LMBR1: variants seen among roughly 807,000 people sequenced by gnomAD.
LMBR1 encodes limb region 1 protein homolog.
A neutral mutation model predicts 73.9 loss-of-function variants in LMBR1; 52 were observed. That is an observed-to-expected ratio of 0.70 (90% CI 0.56 to 0.89). LMBR1 has a LOEUF of 0.89. LMBR1 is among the 40% of genes least tolerant of loss of function. LMBR1 has a pLI of 0.00. For synonymous variants in LMBR1, 215 were observed against 209.4 expected (o/e 1.03, Z -0.23); for missense variants, 539 against 579.8 (o/e 0.93, Z 0.72).
chr7:156,803,698 G>A (rs1460990383), intron 4 of LMBR1, among the ~76,000 whole-genome samples: 6 of 151,982 alleles, frequency 3.9e-5, no homozygotes, highest in Non-Finnish European at 7.4e-5. Context: ...GCACACGTAT[G>A]TTTATTGTGG....
At chr7:156,737,440 T>C (rs1326246193) in intron 9 of LMBR1, among the ~76,000 whole-genome samples, 2 of 152,164 alleles carry the variant, frequency 1.3e-5, no homozygotes, top group Non-Finnish European at 2.9e-5. Context: ...GGGCACTAGA[T>C]GATCCCTTTC....
intron 9 of LMBR1, among the ~76,000 whole-genome samples, chr7:156,746,819 C>T (rs1472323227): frequency 6.6e-6 from 1 of 152,106 alleles, no homozygotes; most frequent in Non-Finnish European, 1.5e-5. Context: ...CAAACAAATA[C>T]TGAGGCATTA....
Position 156,825,963 on chromosome 7 carries a change from A to G in LMBR1, c.319+642T>C, listed in dbSNP as rs553737522. 7.9e-5 allele frequency among the ~76,000 whole-genome samples: 12 copies of G among 152,274 alleles called. No individual in the cohort carries two copies. In the East Asian group the frequency reaches 2.1e-3, roughly 27 times the overall value. On this transcript the variant is annotated intron_variant, in intron 4 of 16. Transcript: ENST00000353442. Reference sequence around the variant, plus strand: ...AAGAAACTACTAGCAAATAAATAAAATAGAAACTATAGCTGCTGTTTTTTA... The same window carrying G: ...AAGAAACTACTAGCAAATAAATAAAGTAGAAACTATAGCTGCTGTTTTTTA...
chr7:156,762,165 G>A lies in LMBR1; in HGVS notation c.653C>T (p.Thr218Ile). The A allele has an allele frequency of 6.2e-7, 1 of 1,611,108 alleles. No homozygotes were observed. ...CTPVGLSRMFTVMGQLLVKPT... is the reference protein window; with the variant it reads ...CTPVGLSRMFIVMGQLLVKPT... ...CTTCACTAGCAACTGACCCATCACT[G>A]TGAACATACGAGAAAGGCCAACTGG... The change falls in exon 8 of 17, where the codon ACA becomes ATA. Residue 218 changes from threonine to isoleucine, a missense_variant. Physicochemically the swap from Thr to Ile is moderately conservative, Grantham distance 89. Coordinates refer to ENST00000353442, the MANE Select transcript of LMBR1 (RefSeq NM_022458.4).
intron 1 of LMBR1, among the ~76,000 whole-genome samples, chr7:156,861,726 C>T (rs1248521583): frequency 6.6e-6 from 1 of 152,186 alleles, no homozygotes; most frequent in Non-Finnish European, 1.5e-5. Context: ...TACCCTAAAT[C>T]ATCTCTCTCA....
intron 4 of LMBR1, among the ~76,000 whole-genome samples, chr7:156,806,946 C>T (rs1832243235): frequency 6.6e-6 from 1 of 152,130 alleles, no homozygotes; most frequent in Non-Finnish European, 1.5e-5. Flanking sequence ...CATCCCATTT[C>T]AGGCCTACTT....
At chr7:156,829,500 G>A (rs1836290160) in intron 3 of LMBR1, among the ~76,000 whole-genome samples, 1 of 152,176 alleles carries the variant, frequency 6.6e-6, no homozygotes, top group Non-Finnish European at 1.5e-5. Flanking sequence ...TGCACCATGA[G>A]TAAACGCTTC....
chr7:156,883,565 T>C (rs146694380), intron 1 of LMBR1, among the ~76,000 whole-genome samples: 61 of 152,322 alleles, frequency 4.0e-4, no homozygotes, highest in African/African-American at 1.4e-3. Flanking sequence ...GAATCTCCTA[T>C]GGCTGCTGTA....
At chr7:156,768,839 G>A (rs1050444586) in intron 5 of LMBR1, among the ~76,000 whole-genome samples, 1 of 152,136 alleles carries the variant, frequency 6.6e-6, no homozygotes, top group Non-Finnish European at 1.5e-5. Context: ...CCCACAGGTT[G>A]GGTAATCCAT....
chr7:156,796,969 A>C (rs1463955697), intron 4 of LMBR1, among the ~76,000 whole-genome samples: 5 of 152,236 alleles, frequency 3.3e-5, no homozygotes, highest in Non-Finnish European at 7.3e-5. Context: ...TGATTTACAG[A>C]CATTATCCGA....
chr7:156,852,382 T>C lies in LMBR1; in HGVS notation c.67-15497A>G, dbSNP rs1411320637. On this transcript the variant is annotated intron_variant, in intron 1 of 16. Transcript: ENST00000353442. ...AAACTAAAAAAAAATAAGAGATTGC[T>C]TATGGAAAATACTTGGATAGGAGCC... Among the ~76,000 whole-genome samples the C allele has an allele frequency of 2.0e-5, 3 of 152,202 alleles. No individual in the cohort carries two copies. The South Asian group carries it at 6.2e-4, about 31-fold the overall frequency.
At chr7:156,756,599 C>T in intron 8 of LMBR1, 134 bp from the exon 9 acceptor site, 3 of 580,916 alleles carry the variant, frequency 5.2e-6, no homozygotes, top group East Asian at 3.1e-5. Context: ...AACAAAAAAA[C>T]TCCAACTATG....
At chr7:156,855,667 A>T (rs1242919589) in intron 1 of LMBR1, among the ~76,000 whole-genome samples, 1 of 31,664 alleles carries the variant, frequency 3.2e-5, no homozygotes, top group African/African-American at 1.2e-4. Context: ...ACGTAAATAC[A>T]AAAAAAAAAA....
At chr7:156,675,171 A>T (rs1803564461), downstream of LMBR1, among the ~76,000 whole-genome samples, 1 of 152,204 alleles carries the variant, frequency 6.6e-6, no homozygotes, top group Non-Finnish European at 1.5e-5. Flanking sequence ...AGAGACAGTA[A>T]CGCCTGAGCG....
intron 15 of LMBR1, among the ~76,000 whole-genome samples, chr7:156,691,577 A>G (rs1439994810): frequency 6.6e-6 from 1 of 152,216 alleles, no homozygotes; most frequent in East Asian, 1.9e-4. Context: ...TTCCTAAAGC[A>G]GCAAAAAGTA....
chr7:156,729,518 G>T (rs1291861107), intron 10 of LMBR1, among the ~76,000 whole-genome samples: 1 of 148,720 alleles, frequency 6.7e-6, no homozygotes, highest in Non-Finnish European at 1.5e-5. Flanking sequence ...CTGTCTCCCA[G>T]GCTGGAGTGC....
chr7:156,835,345 CA>C (rs1023532507), intron 2 of LMBR1, among the ~76,000 whole-genome samples: 1 of 152,096 alleles, frequency 6.6e-6, no homozygotes, highest in African/African-American at 2.4e-5. Flanking sequence ...AAAGGGACCA[CA>C]AAAGAACATA....
chr7:156,777,077 G>A (rs991700249), intron 5 of LMBR1, among the ~76,000 whole-genome samples: 3 of 151,948 alleles, frequency 2.0e-5, no homozygotes, highest in African/African-American at 2.4e-5. Flanking sequence ...GACTACAGGC[G>A]CCAGCCACCA....
chr7:156,708,049 A>C (rs1811335842), intron 15 of LMBR1, among the ~76,000 whole-genome samples: 1 of 151,410 alleles, frequency 6.6e-6, no homozygotes, highest in Non-Finnish European at 1.5e-5. Context: ...AAAAAAAAAA[A>C]CTACTATCTA....
Sources: allele counts gnomAD v4.1 joint callset (sites outside exome capture counted in the v4.1 genomes callset), GRCh38; gene constraint gnomAD v4.1.1; transcripts MANE v1.5; gene names NCBI Gene and HGNC (gene_info 2026-07-23, HGNC 2026-07-21).